The following TAF1A variants were observed in gnomAD, a reference collection of about 807,000 sequenced individuals.
TAF1A encodes TATA-box binding protein associated factor, RNA polymerase I subunit A.
Under a neutral mutation model 61.6 loss-of-function variants are expected in TAF1A, and 42 were observed. The observed-to-expected ratio is 0.68, with a 90% CI of 0.53 to 0.88. The LOEUF is 0.88. Ranked by LOEUF, TAF1A falls within the 40% of genes least tolerant of loss-of-function variation. The pLI is 0.00. For missense variants in TAF1A, 424 were observed against 518.7 expected, an observed-to-expected ratio of 0.82 and a Z score of 1.77; for synonymous variants, 179 against 177.7, an observed-to-expected ratio of 1.01 and a Z score of -0.06.
chr1:222,575,806 G>C (rs1267378161), intron 5 of TAF1A, among the ~76,000 whole-genome samples: 1 of 152,190 alleles, frequency 6.6e-6, no homozygotes, highest in Non-Finnish European at 1.5e-5. Flanking sequence ...CTACAGAACT[G>C]TCAGCTACGG....
chr1:222,575,974 A>T (rs1003844971), intron 5 of TAF1A, among the ~76,000 whole-genome samples: 2 of 152,232 alleles, frequency 1.3e-5, no homozygotes, highest in African/African-American at 4.8e-5. Context: ...TAAGTTTTGA[A>T]AAAGAACTAT....
intron 7 of TAF1A, among the ~76,000 whole-genome samples, chr1:222,565,462 T>C (rs1454174744): frequency 6.6e-6 from 1 of 152,236 alleles, no homozygotes; most frequent in Admixed American, 6.5e-5. Context: ...GTCTTGAATA[T>C]AAATATGAGA....
In TAF1A at chr1:222,564,040, A is replaced by G. The variant is rs1252646928; in HGVS notation, c.961+19T>C. 8 of 1,470,544 alleles carry G rather than the reference A, an allele frequency of 5.4e-6. No homozygotes were observed. Among genetic ancestry groups the G allele is most frequent in the African/African-American group, 4.2e-5 (3 of 71,774 alleles). The allele number at this position is 1,470,544 out of a possible 1,614,324, so 91.1% of individuals were successfully genotyped here. On this transcript the variant is annotated intron_variant, in intron 8 of 10. Transcript: ENST00000352967. ...TATAGCTTGTCTACACAAGGTATAA[A>G]ACAACATTTATTTATTACCTGATTT...
chr1:222,580,096 T>C (rs977707354), intron 3 of TAF1A, among the ~76,000 whole-genome samples: 6 of 152,214 alleles, frequency 3.9e-5, no homozygotes, highest in African/African-American at 1.4e-4. Flanking sequence ...TCAGATAGTA[T>C]AATAGCATCA....
Position 222,564,826 on chromosome 1 carries a change from T to TA in TAF1A, c.895-702_895-701insT, listed in dbSNP as rs1660055883. ...TACATTGAAATAATTTCCAACAAAA[T>TA]TAAAAGTAAATTTTGTTAATTTCTC... On this transcript the variant is annotated intron_variant, in intron 7 of 10. Coordinates refer to ENST00000352967, the MANE Select transcript of TAF1A (RefSeq NM_005681.4). Among the ~76,000 whole-genome samples the TA allele has an allele frequency of 2.6e-5, 4 of 152,270 alleles. No individual in the cohort carries two copies. The South Asian group carries it at 8.3e-4, about 32-fold the overall frequency.
intron 2 of TAF1A, among the ~76,000 whole-genome samples, chr1:222,587,291 GT>G (rs1451837390): frequency 6.6e-6 from 1 of 152,196 alleles, no homozygotes; most frequent in Non-Finnish European, 1.5e-5. Flanking sequence ...CGTTAAAAGT[GT>G]AAGCTTTGAG....
At chr1:222,578,408 T>C (rs1194405098) in intron 4 of TAF1A, among the ~76,000 whole-genome samples, 1 of 152,174 alleles carries the variant, frequency 6.6e-6, no homozygotes, top group Non-Finnish European at 1.5e-5. Context: ...ATAAACTCCT[T>C]CAATGGCTCC....
Position 222,589,918 on chromosome 1 carries a change from C to G in TAF1A, c.-194G>C, listed in dbSNP as rs1661189481. ...TGCAGCAGGCGTATCGTTGGCCTCG[C>G]CTCGACCCCGGAAGTGACTTCTGGA... On this transcript the variant is annotated 5_prime_UTR_variant, in exon 1 of 11. Coordinates refer to ENST00000352967, the MANE Select transcript of TAF1A (RefSeq NM_005681.4). 2 of 397,240 alleles carry G rather than the reference C, an allele frequency of 5.0e-6. No individual in the cohort carries two copies. The highest frequency in any genetic ancestry group is 7.1e-5 in the East Asian group (2 of 28,048). The allele number at this position is 397,240 out of a possible 1,614,324, so 24.6% of individuals were successfully genotyped here.
At chr1:222,569,149 A>G (rs2102649257) in intron 7 of TAF1A, 1 of 716,834 alleles carries the variant, frequency 1.4e-6, no homozygotes, top group East Asian at 8.4e-5. Flanking sequence ...CTATATCATG[A>G]TTACCATGGT....
intron 5 of TAF1A, among the ~76,000 whole-genome samples, chr1:222,574,198 A>G (rs566085608): frequency 1.1e-4 from 16 of 152,250 alleles, no homozygotes; most frequent in African/African-American, 3.8e-4. Flanking sequence ...AACTCTATGA[A>G]TATACTAAAA....
chr1:222,561,513 T>C lies in TAF1A; in HGVS notation c.1091A>G (p.His364Arg). Reference protein sequence around the residue: ...KYLKNILMGNHLAWVQEEWNS... With the variant: ...KYLKNILMGNRLAWVQEEWNS... ...CCACTCTTCTTGAACCCACGCAAGG[T>C]GGTTTCTGGAAAAGAAAAATGTCAA... Residue 364 changes from histidine (H) to arginine (R), a missense_variant, in exon 10 of 11, where the codon CAC (histidine) becomes CGC (arginine). His to Arg is a conservative substitution (Grantham distance 29). Transcript: ENST00000352967. The C allele has an allele frequency of 5.0e-6, 8 of 1,588,368 alleles. No individual in the cohort carries two copies. Among genetic ancestry groups the C allele is most frequent in the Non-Finnish European group, 6.8e-6 (8 of 1,170,146 alleles).
At chr1:222,584,604 C>T (rs769665137) in intron 2 of TAF1A, among the ~76,000 whole-genome samples, 1 of 152,014 alleles carries the variant, frequency 6.6e-6, no homozygotes, top group Non-Finnish European at 1.5e-5. Context: ...TCAAACAGGC[C>T]CCCAAAAGCA....
intron 6 of TAF1A, 93 bp from the exon 7 acceptor site, chr1:222,569,761 T>C: frequency 1.7e-6 from 2 of 1,207,442 alleles, no homozygotes; most frequent in Non-Finnish European, 1.1e-6. Context: ...TGGGTATTTT[T>C]TAAAAATCAC....
At position 222,584,238 on chromosome 1, in the gene TAF1A, TA is replaced by T; in HGVS notation, c.180del (p.Phe60LeufsTer7). 1.2e-6 allele frequency: 2 copies of T among 1,612,468 alleles called. No individual in the cohort carries two copies. The highest frequency in any genetic ancestry group is 1.7e-6 in the Non-Finnish European group (2 of 1,179,518). On this transcript the variant is annotated frameshift_variant, in exon 3 of 11. Coordinates refer to ENST00000352967, the MANE Select transcript of TAF1A (RefSeq NM_005681.4). LOFTEE classifies it high-confidence loss of function. The part of the protein sequence containing the change: ...FAQTTSACLS[F>X]IQEALLKHQW... Reference sequence around the variant, plus strand: ...TGGTGCTTCAGCAGAGCTTCTTGGATAAAACTTAAACAAGCACTTGTTGTCT... The same window carrying T: ...TGGTGCTTCAGCAGAGCTTCTTGGATAAACTTAAACAAGCACTTGTTGTCT...
At chr1:222,581,002 A>G (rs1660768255) in intron 3 of TAF1A, among the ~76,000 whole-genome samples, 1 of 152,164 alleles carries the variant, frequency 6.6e-6, no homozygotes, top group African/African-American at 2.4e-5. Context: ...AATACAAAAA[A>G]TTAGCCAGGC....
chr1:222,582,065 A>T (rs1660809803), intron 3 of TAF1A, among the ~76,000 whole-genome samples: 1 of 152,210 alleles, frequency 6.6e-6, no homozygotes, highest in Middle Eastern at 3.2e-3. Flanking sequence ...TTGTGCATGA[A>T]ACAAAATTTG....
In TAF1A at chr1:222,567,168, CATT is replaced by C. The variant is rs559979050; in HGVS notation, c.894+2339_894+2341del. Reference sequence around the variant, plus strand: ...CTACAACATGGATGAACCTTGAAAACATTATGCTAAGTGAAATTAGCAAGACAC... The same window carrying C: ...CTACAACATGGATGAACCTTGAAAACATGCTAAGTGAAATTAGCAAGACAC... On this transcript the variant is annotated intron_variant, in intron 7 of 10. Coordinates refer to ENST00000352967, the MANE Select transcript of TAF1A (RefSeq NM_005681.4). Among the ~76,000 whole-genome samples the C allele has an allele frequency of 5.9e-5, 9 of 152,250 alleles. No individual in the cohort carries two copies. The South Asian group carries it at 1.9e-3, about 32-fold the overall frequency.
chr1:222,570,430 A>AT, intron 6 of TAF1A, 105 bp downstream of exon 6: 17 of 1,217,434 alleles, frequency 1.4e-5, no homozygotes, highest in Non-Finnish European at 1.9e-5. Flanking sequence ...CTTTTAAATA[A>AT]TTTTTTCCAT....
chr1:222,572,966 C>A (rs1488056678), intron 5 of TAF1A, among the ~76,000 whole-genome samples: 1 of 152,156 alleles, frequency 6.6e-6, no homozygotes, highest in Non-Finnish European at 1.5e-5. Flanking sequence ...TCAAAGGACA[C>A]CATCAAGATA....
Sources: gnomAD v4.1 joint callset for allele counts (sites outside exome capture counted in the v4.1 genomes callset) on GRCh38, gnomAD v4.1.1 for gene constraint, MANE v1.5 for transcripts, NCBI Gene and HGNC (gene_info 2026-07-23, HGNC 2026-07-21) for gene names.